FOXP2: variants seen among roughly 807,000 people sequenced by gnomAD.
The protein encoded by FOXP2 is forkhead box P2, also known as forkhead box protein P2.
FOXP2 carries 12 observed loss-of-function variants against 115.8 expected under a neutral mutation model. That is an observed-to-expected ratio of 0.10 (90% confidence interval 0.07 to 0.17). The LOEUF is 0.17. FOXP2 is among the 10% of genes least tolerant of loss of function. The pLI, the probability that FOXP2 is intolerant of heterozygous loss-of-function variation, is 1.00. For synonymous variants in FOXP2, 328 were observed against 297.7 expected, an observed-to-expected ratio of 1.10 and a Z score of -1.05; for missense variants, 629 against 843.5, an observed-to-expected ratio of 0.75 and a Z score of 3.15.
intron 1 of FOXP2, among the ~76,000 whole-genome samples, chr7:114,204,296 T>C (rs916440584): frequency 6.6e-6 from 1 of 152,236 alleles, no homozygotes; most frequent in Non-Finnish European, 1.5e-5. Flanking sequence ...TTACCTTTTT[T>C]TGAATGTTTC....
intron 15 of FOXP2, 85 bp from the exon 16 acceptor site, chr7:114,664,188 G>A (rs1585007469): frequency 2.9e-6 from 4 of 1,400,900 alleles, no homozygotes; most frequent in Non-Finnish European, 3.0e-6. Context: ...TTCCTTATTG[G>A]AACCCATTAA....
chr7:114,209,517 C>T (rs1794290891), intron 1 of FOXP2, among the ~76,000 whole-genome samples: 1 of 152,166 alleles, frequency 6.6e-6, no homozygotes, highest in African/African-American at 2.4e-5. Flanking sequence ...GAAAGGTCCA[C>T]TTTTAGTCTG....
At chr7:114,388,911 T>C (rs981484164) in intron 2 of FOXP2, among the ~76,000 whole-genome samples, 5 of 152,220 alleles carry the variant, frequency 3.3e-5, no homozygotes, top group African/African-American at 9.6e-5. Context: ...ATAGAACTTT[T>C]TAGAATGCAT....
intron 2 of FOXP2, among the ~76,000 whole-genome samples, chr7:114,392,369 G>A (rs1792625605): frequency 6.6e-6 from 1 of 152,082 alleles, no homozygotes. Context: ...AAATGAGGAA[G>A]GTTTTAAAGT....
At chr7:114,286,624 A>T (rs976435865) in intron 1 of FOXP2, among the ~76,000 whole-genome samples, 9 of 152,096 alleles carry the variant, frequency 5.9e-5, no homozygotes, top group Admixed American at 2.0e-4. Context: ...AGAAAATTTT[A>T]TTGTTAAGAG....
chr7:114,606,112 A>T (rs1459682687), intron 3 of FOXP2, among the ~76,000 whole-genome samples: 1 of 152,198 alleles, frequency 6.6e-6, no homozygotes, highest in African/African-American at 2.4e-5. Flanking sequence ...GCTGATTGAA[A>T]ATAGAATTGA....
At chr7:114,151,673 A>G (rs1792531974) in intron 1 of FOXP2, among the ~76,000 whole-genome samples, 2 of 152,220 alleles carry the variant, frequency 1.3e-5, no homozygotes, top group South Asian at 4.1e-4. Flanking sequence ...TCAATTTGTT[A>G]CATTTTAAGA....
At chr7:114,272,178 TG>T (rs1229899235) in intron 1 of FOXP2, among the ~76,000 whole-genome samples, 1 of 150,388 alleles carries the variant, frequency 6.6e-6, no homozygotes, top group Non-Finnish European at 1.5e-5. Context: ...GTTGTTGTGA[TG>T]GGTTATATTA....
chr7:114,424,698 T>C (rs1351284244), intron 1 of FOXP2, among the ~76,000 whole-genome samples: 1 of 151,550 alleles, frequency 6.6e-6, no homozygotes, highest in Admixed American at 6.6e-5. Flanking sequence ...ATTTTTTCTT[T>C]GTTAATGTTC....
intron 2 of FOXP2, among the ~76,000 whole-genome samples, chr7:114,527,771 G>A (rs996525198): frequency 6.6e-6 from 1 of 151,960 alleles, no homozygotes; most frequent in African/African-American, 2.4e-5. Flanking sequence ...TTACAATTTT[G>A]GAGTCATCAC....
At chr7:114,488,228 C>T (rs996991054) in intron 2 of FOXP2, among the ~76,000 whole-genome samples, 19 of 152,042 alleles carry the variant, frequency 1.2e-4, no homozygotes, top group African/African-American at 3.9e-4. Context: ...TTCACAGTTA[C>T]AAGAACAGCA....
chr7:114,133,499 A>G (rs1791946779), intron 1 of FOXP2, among the ~76,000 whole-genome samples: 3 of 152,252 alleles, frequency 2.0e-5, no homozygotes. Flanking sequence ...GAAACAGTCC[A>G]AGGACTGAGC....
intron 7 of FOXP2, among the ~76,000 whole-genome samples, 156 bp downstream of exon 7, chr7:114,642,779 A>ATAATATATATATATATATATATATAT: frequency 1.1e-5 from 1 of 91,174 alleles, no homozygotes; most frequent in African/African-American, 4.9e-5. Flanking sequence ...TTTTATATAT[A>ATAATATATATATATATATATATATAT]ATATATATAT....
At chr7:114,634,591 G>T (rs970496206) in intron 6 of FOXP2, among the ~76,000 whole-genome samples, 3 of 151,720 alleles carry the variant, frequency 2.0e-5, no homozygotes, top group African/African-American at 7.3e-5. Flanking sequence ...GTATATGTTT[G>T]GTTTGTATAC....
At chr7:114,508,010 A>G (rs1797906166) in intron 2 of FOXP2, among the ~76,000 whole-genome samples, 1 of 152,040 alleles carries the variant, frequency 6.6e-6, no homozygotes, top group African/African-American at 2.4e-5. Flanking sequence ...TGCTTGCTAT[A>G]TGTCAGAAAC....
intron 1 of FOXP2, among the ~76,000 whole-genome samples, chr7:114,132,540 A>AT (rs1554419440): frequency 2.5e-5 from 3 of 122,406 alleles, no homozygotes; most frequent in African/African-American, 1.0e-4. Flanking sequence ...GAAAAGATAA[A>AT]TTGTGTGTGT....
chr7:114,355,519 T>C (rs1197604993), intron 2 of FOXP2, among the ~76,000 whole-genome samples: 2 of 152,204 alleles, frequency 1.3e-5, no homozygotes, highest in African/African-American at 4.8e-5. Context: ...AGACTTTTCC[T>C]GTTTTCTATG....
intron 2 of FOXP2, among the ~76,000 whole-genome samples, chr7:114,530,878 G>A (rs1799111704): frequency 6.6e-6 from 1 of 151,718 alleles, no homozygotes; most frequent in African/African-American, 2.4e-5. Flanking sequence ...ACTCAATTAT[G>A]AAAAATGTGC....
intron 3 of FOXP2, among the ~76,000 whole-genome samples, chr7:114,620,508 A>C (rs773295649): frequency 6.6e-6 from 1 of 152,070 alleles, no homozygotes; most frequent in African/African-American, 2.4e-5. Flanking sequence ...TACATTACCT[A>C]TAATGCTAGA....
Sources: gnomAD v4.1 joint callset for allele counts (sites outside exome capture counted in the v4.1 genomes callset) on GRCh38, gnomAD v4.1.1 for gene constraint, MANE v1.5 for transcripts, NCBI Gene and HGNC (gene_info 2026-07-23, HGNC 2026-07-21) for gene names.